Variants in CCDC83 observed in about 807,000 individuals in gnomAD.
CCDC83 encodes coiled-coil domain-containing protein 83.
Under a neutral mutation model 50.1 loss-of-function variants are expected in CCDC83, and 54 were observed. The ratio of observed to expected loss-of-function variants is 1.08; its 90% CI spans 0.87 to 1.35. The LOEUF is 1.35. Ranked by LOEUF, CCDC83 falls within the 40% of genes most tolerant of loss-of-function variation. CCDC83 has a pLI of 0.00. For synonymous variants in CCDC83, 161 were observed against 153.3 expected, an observed-to-expected ratio of 1.05 and a Z score of -0.37; for missense variants, 518 against 473.9, an observed-to-expected ratio of 1.09 and a Z score of -0.86.
intron 10 of CCDC83, among the ~76,000 whole-genome samples, chr11:85,917,134 A>AAGAGAGAGAGAG (rs201907138): frequency 0.015 from 1,196 of 77,872 alleles, 21 homozygotes; most frequent in African/African-American, 0.032. Flanking sequence ...AAGAAAAAGA[A>AAGAGAGAGAGAG]AGAGAGAGAG....
intron 1 of CCDC83, among the ~76,000 whole-genome samples, chr11:85,856,217 T>A (rs1290974140): frequency 6.6e-6 from 1 of 150,428 alleles, no homozygotes; most frequent in Non-Finnish European, 1.5e-5. Context: ...AAAGAAAGAT[T>A]CCTGTGATGA....
intron 1 of CCDC83, among the ~76,000 whole-genome samples, chr11:85,863,252 C>T (rs2093188131): frequency 6.6e-6 from 1 of 152,116 alleles, no homozygotes; most frequent in Non-Finnish European, 1.5e-5. Context: ...TTTTGTGCAA[C>T]AGCCAAGTTT....
Position 85,859,989 on chromosome 11 carries a change from A to C in CCDC83, c.-29+4405A>C, listed in dbSNP as rs578091790. ...AAACAAAAAGCAAATAACCCCATTT[A>C]AAAATAAGAGAAGGACAGGCTGGGT... On this transcript the variant is annotated intron_variant, in intron 1 of 10. Coordinates refer to ENST00000342404, the MANE Select transcript of CCDC83 (RefSeq NM_001286159.2). Among the ~76,000 whole-genome samples, 81 of 152,308 alleles carry C rather than the reference A, an allele frequency of 5.3e-4. 2 individuals are homozygous for C. The highest frequency in any genetic ancestry group is 1.8e-3 in the African/African-American group (74 of 41,576).
At chr11:85,867,654 A>G (rs1032024378) in intron 2 of CCDC83, among the ~76,000 whole-genome samples, 4 of 152,242 alleles carry the variant, frequency 2.6e-5, no homozygotes, top group Non-Finnish European at 5.9e-5. Context: ...AGCTCTGTGA[A>G]TGTAACCTGG....
chr11:85,881,261 T>A (rs998184935), intron 3 of CCDC83, among the ~76,000 whole-genome samples: 2 of 151,778 alleles, frequency 1.3e-5, no homozygotes, highest in Non-Finnish European at 2.9e-5. Context: ...TAATCCCAGC[T>A]ACTTGGGAGG....
chr11:85,857,220 C>G (rs1200309795), intron 1 of CCDC83, among the ~76,000 whole-genome samples: 3 of 152,184 alleles, frequency 2.0e-5, no homozygotes, highest in African/African-American at 4.8e-5. Context: ...TCCAAGCCCT[C>G]GAAGGGCACG....
At chr11:85,917,132 GAA>G (rs762671219) in intron 10 of CCDC83, among the ~76,000 whole-genome samples, 53 of 64,540 alleles carry the variant, frequency 8.2e-4, no homozygotes, top group Middle Eastern at 5.8e-3. Flanking sequence ...AAAAGAAAAA[GAA>G]AGAGAGAGAG....
intron 5 of CCDC83, among the ~76,000 whole-genome samples, chr11:85,891,932 A>G (rs2093352213): frequency 6.6e-6 from 1 of 152,178 alleles, no homozygotes; most frequent in Non-Finnish European, 1.5e-5. Context: ...AGTCCCCCTG[A>G]ATCTGTGATT....
In CCDC83 at chr11:85,898,942, T is replaced by A. The variant is rs1179596729; in HGVS notation, c.604-5T>A. On this transcript the variant is annotated splice_region_variant and splice_polypyrimidine_tract_variant and intron_variant, in intron 6 of 10. Transcript: ENST00000342404. ...CTCTTCCTTAATCCAGAAACTTTCTTTTAGAATGCTGTAAAGCTCATTGAC... is the reference window on the plus strand; with the variant it reads ...CTCTTCCTTAATCCAGAAACTTTCTATTAGAATGCTGTAAAGCTCATTGAC... 2 of 1,607,014 alleles carry A rather than the reference T, an allele frequency of 1.2e-6. No individual in the cohort carries two copies. Among genetic ancestry groups the A allele is most frequent in the Admixed American group, 3.4e-5 (2 of 58,998 alleles).
At chr11:85,913,575 T>A (rs574816913) in intron 8 of CCDC83, among the ~76,000 whole-genome samples, 1 of 152,216 alleles carries the variant, frequency 6.6e-6, no homozygotes. Flanking sequence ...TGATAAGAAA[T>A]AGACATGAAC....
intron 10 of CCDC83, among the ~76,000 whole-genome samples, chr11:85,918,856 AG>A (rs1220774676): frequency 1.3e-5 from 2 of 152,236 alleles, no homozygotes; most frequent in African/African-American, 4.8e-5. Context: ...ACTTTACAAA[AG>A]ATCAGCTGAA....
Position 85,916,203 on chromosome 11 carries a change from C to A in CCDC83, c.1050C>A (p.Tyr350Ter). The change falls in exon 10 of 11, where the codon TAC (tyrosine) becomes TAA (stop). Residue 350 changes from tyrosine to a stop codon, truncating the protein, a stop_gained. Transcript: ENST00000342404. LOFTEE classifies it high-confidence loss of function. The stretch of plus-strand genomic sequence containing the variant: ...AGTTTGGGGACACTGATATGAAGTA[C>A]TTACTATATGAGGATGAGAAGGATT... The part of the protein sequence containing the change: ...GTEFGDTDMK[Y>*]LLYEDEKDFK... The A allele has an allele frequency of 6.2e-7, 1 of 1,611,890 alleles. No homozygotes were observed. The highest frequency in any genetic ancestry group is 8.5e-7 in the Non-Finnish European group (1 of 1,178,648).
At chr11:85,917,195 A>AAAGG (rs1491433863) in intron 10 of CCDC83, among the ~76,000 whole-genome samples, 2 of 124,040 alleles carry the variant, frequency 1.6e-5, no homozygotes, top group Non-Finnish European at 3.6e-5. Context: ...AAAGAAAGAG[A>AAAGG]AAGAAAGAAA....
chr11:85,910,797 C>A (rs1418218646), intron 7 of CCDC83, among the ~76,000 whole-genome samples: 1 of 152,160 alleles, frequency 6.6e-6, no homozygotes, highest in Non-Finnish European at 1.5e-5. Context: ...AAGGACAAAG[C>A]AAGCCCAGTA....
chr11:85,899,101 G>A (rs2093388759), intron 7 of CCDC83, 86 bp downstream of exon 7: 1 of 956,252 alleles, frequency 1.0e-6, no homozygotes, highest in South Asian at 1.4e-5. Flanking sequence ...TGAAGTCATG[G>A]GAAAAGCATG....
chr11:85,869,488 A>G (rs1217854067), intron 2 of CCDC83, among the ~76,000 whole-genome samples: 1 of 152,158 alleles, frequency 6.6e-6, no homozygotes, highest in Non-Finnish European at 1.5e-5. Flanking sequence ...ATTCAAATTT[A>G]TTTGTTTTCC....
intron 3 of CCDC83, among the ~76,000 whole-genome samples, chr11:85,878,160 TA>T (rs1485717320): frequency 4.6e-5 from 7 of 152,174 alleles, no homozygotes; most frequent in African/African-American, 1.4e-4. Context: ...AAAAATGATA[TA>T]AAAATGATAG....
chr11:85,862,502 T>C (rs942173430), intron 1 of CCDC83, among the ~76,000 whole-genome samples: 5 of 152,232 alleles, frequency 3.3e-5, no homozygotes, highest in African/African-American at 1.2e-4. Flanking sequence ...TCTTCCTATC[T>C]GTCTGAGAAG....
intron 7 of CCDC83, among the ~76,000 whole-genome samples, chr11:85,903,116 C>T (rs1392014474): frequency 6.6e-6 from 1 of 151,768 alleles, no homozygotes; most frequent in East Asian, 2.0e-4. Flanking sequence ...ACCTATAATC[C>T]CAGCTACATA....
Sources: gnomAD v4.1 joint callset for allele counts (sites outside exome capture counted in the v4.1 genomes callset) on GRCh38, gnomAD v4.1.1 for gene constraint, MANE v1.5 for transcripts, NCBI Gene and HGNC (gene_info 2026-07-23, HGNC 2026-07-21) for gene names.